The following CELF4 variants were observed in gnomAD, a reference collection of about 807,000 sequenced individuals.
CELF4 encodes CUG-BP- and ETR-3-like factor 4.
In CELF4, 18 loss-of-function variants were observed where a neutral mutation model predicts 59.9. The ratio of observed to expected loss-of-function variants is 0.30; its 90% CI spans 0.21 to 0.45. CELF4 has a LOEUF of 0.45. Among genes scored for constraint, CELF4 ranks in the 20% least tolerant of loss-of-function variants. The pLI is 1.00. For synonymous variants in CELF4, 261 were observed against 267.1 expected (o/e 0.98, Z 0.22); for missense variants, 456 against 689.0 (o/e 0.66, Z 3.79).
Position 37,314,510 on chromosome 18 carries a change from G to C in CELF4, c.448+7293C>G, listed in dbSNP as rs142494098. ...AAGAAAAGGAAAGAAAGATACACGGGCATGGGCTCCCAGGTCCAGATACAG... is the reference window on the plus strand; with the variant it reads ...AAGAAAAGGAAAGAAAGATACACGGCCATGGGCTCCCAGGTCCAGATACAG... On this transcript the variant is annotated intron_variant, in intron 3 of 12. Coordinates refer to ENST00000420428, the MANE Select transcript of CELF4 (RefSeq NM_020180.4). Among the ~76,000 whole-genome samples the C allele has an allele frequency of 3.9e-5, 6 of 152,262 alleles. No homozygotes were observed. The South Asian group carries it at 1.2e-3, about 32-fold the overall frequency.
rs2099835049 is a variant in CELF4 at position 37,472,165 on chromosome 18, C to T, written c.369+13360G>A. On this transcript the variant is annotated intron_variant, in intron 2 of 12. Coordinates refer to ENST00000420428, the MANE Select transcript of CELF4 (RefSeq NM_020180.4). ...CCATGAAGACAAACTTAACAAACAC[C>T]TCTTGTGGGGGCATGAAGGTGGTGA... 2.0e-5 allele frequency among the ~76,000 whole-genome samples: 3 copies of T among 152,342 alleles called. No homozygotes were observed. In the South Asian group the frequency reaches 6.2e-4, roughly 32 times the overall value.
intron 2 of CELF4, among the ~76,000 whole-genome samples, chr18:37,452,481 A>G (rs1281632804): frequency 6.6e-6 from 1 of 152,112 alleles, no homozygotes; most frequent in Non-Finnish European, 1.5e-5. Context: ...CTGGGCTGTC[A>G]GACGCCAGCA....
At chr18:37,446,478 C>T (rs1043716205) in intron 2 of CELF4, among the ~76,000 whole-genome samples, 1 of 152,038 alleles carries the variant, frequency 6.6e-6, no homozygotes, top group Non-Finnish European at 1.5e-5. Context: ...CTGGCTCTAC[C>T]ACTCATGAGC....
intron 2 of CELF4, among the ~76,000 whole-genome samples, chr18:37,468,351 G>A (rs1360609078): frequency 6.6e-6 from 1 of 152,160 alleles, no homozygotes; most frequent in Admixed American, 6.5e-5. Flanking sequence ...GCCTCTGTGA[G>A]GGTTTCTGGA....
At chr18:37,400,629 C>T (rs947571844) in intron 2 of CELF4, among the ~76,000 whole-genome samples, 3 of 152,210 alleles carry the variant, frequency 2.0e-5, no homozygotes, top group African/African-American at 7.2e-5. Context: ...CTTCATTGAA[C>T]CAACTGCCCA....
chr18:37,442,830 T>G (rs1303387464), intron 2 of CELF4, among the ~76,000 whole-genome samples: 1 of 152,196 alleles, frequency 6.6e-6, no homozygotes, highest in Non-Finnish European at 1.5e-5. Flanking sequence ...CTAAGGAACA[T>G]CTGGGCAGGG....
chr18:37,343,153 T>A (rs542536882), intron 2 of CELF4, among the ~76,000 whole-genome samples: 106 of 152,340 alleles, frequency 7.0e-4, no homozygotes, highest in African/African-American at 2.2e-3. Flanking sequence ...ATGCCTGTGC[T>A]GGGCTAGCAG....
At chr18:37,482,257 C>G (rs558229320) in intron 2 of CELF4, among the ~76,000 whole-genome samples, 5 of 152,026 alleles carry the variant, frequency 3.3e-5, no homozygotes, top group Admixed American at 2.6e-4. Context: ...TGTTGACTGT[C>G]CCCTGTGAAT....
At position 37,243,307 on chromosome 18, in the gene CELF4, T is replaced by G. The variant is rs1171541261; in HGVS notation, c.*1935A>C. ...GAAAGAAAGGAAAGGCAGGAGGCCC[T>G]AGAGGAACTGGAAATTTGTTCTTCT... On this transcript the variant is annotated 3_prime_UTR_variant, in exon 13 of 13. Coordinates refer to ENST00000420428, the MANE Select transcript of CELF4 (RefSeq NM_020180.4). 1.3e-5 allele frequency: 2 copies of G among 150,446 alleles called. No homozygotes were observed. The highest frequency in any genetic ancestry group is 4.9e-5 in the African/African-American group (2 of 40,740). The allele number at this position is 150,446 out of a possible 1,614,324, so 9.3% of individuals were successfully genotyped here. A position where few individuals can be genotyped will look rare whatever the true frequency, so the allele number is the denominator to read the frequency against.
At chr18:37,299,330 T>C (rs2095856691) in intron 3 of CELF4, among the ~76,000 whole-genome samples, 1 of 152,212 alleles carries the variant, frequency 6.6e-6, no homozygotes, top group African/African-American at 2.4e-5. Flanking sequence ...TGTTTATATG[T>C]TGTTTCACTG....
chr18:37,376,135 C>G (rs1296076487), intron 2 of CELF4, among the ~76,000 whole-genome samples: 1 of 152,088 alleles, frequency 6.6e-6, no homozygotes, highest in Non-Finnish European at 1.5e-5. Context: ...CCCAGGCTGC[C>G]TTCACCTTCT....
intron 11 of CELF4, among the ~76,000 whole-genome samples, chr18:37,258,268 C>A (rs1471300248): frequency 6.6e-6 from 1 of 151,448 alleles, no homozygotes; most frequent in Non-Finnish European, 1.5e-5. Flanking sequence ...GAAACACCCC[C>A]CTCTGCATAG....
intron 2 of CELF4, among the ~76,000 whole-genome samples, chr18:37,451,545 G>A (rs9955603): frequency 0.028 from 4,279 of 152,206 alleles, 183 homozygotes; most frequent in African/African-American, 0.097. Context: ...GTGTATGTAT[G>A]TGTGTGTGTG....
At chr18:37,382,382 G>A (rs966345952) in intron 2 of CELF4, among the ~76,000 whole-genome samples, 4 of 152,190 alleles carry the variant, frequency 2.6e-5, no homozygotes, top group African/African-American at 9.7e-5. Flanking sequence ...GGTCCAGAGA[G>A]GTTCAGACCT....
chr18:37,330,827 C>T (rs1311167112), intron 2 of CELF4, among the ~76,000 whole-genome samples: 1 of 152,102 alleles, frequency 6.6e-6, no homozygotes, highest in Non-Finnish European at 1.5e-5. Context: ...AGAGAAAGGC[C>T]CTTTAATCCT....
intron 1 of CELF4, among the ~76,000 whole-genome samples, chr18:37,513,241 C>T (rs2099946593): frequency 6.6e-6 from 1 of 152,146 alleles, no homozygotes; most frequent in African/African-American, 2.4e-5. Context: ...TGTGGTATCC[C>T]CCATTCTAGA....
At chr18:37,438,521 G>A (rs1052728906) in intron 2 of CELF4, among the ~76,000 whole-genome samples, 6 of 152,110 alleles carry the variant, frequency 3.9e-5, no homozygotes, top group East Asian at 1.9e-4. Flanking sequence ...TCTCAATGTC[G>A]TGCACCCTAC....
At chr18:37,564,308 C>T (rs943240596) in intron 1 of CELF4, among the ~76,000 whole-genome samples, 5 of 152,134 alleles carry the variant, frequency 3.3e-5, no homozygotes, top group Non-Finnish European at 7.4e-5. Flanking sequence ...GAGCACTGGG[C>T]TAATTTCGTC....
intron 1 of CELF4, among the ~76,000 whole-genome samples, chr18:37,487,676 G>A (rs893107271): frequency 1.1e-4 from 16 of 152,180 alleles, no homozygotes; most frequent in African/African-American, 3.9e-4. Context: ...ACCAGGAGGT[G>A]GCCACTGCCT....
Sources: allele counts gnomAD v4.1 joint callset (sites outside exome capture counted in the v4.1 genomes callset), GRCh38; gene constraint gnomAD v4.1.1; transcripts MANE v1.5; gene names NCBI Gene and HGNC (gene_info 2026-07-23, HGNC 2026-07-21).